Variants in ANTXR1 observed in about 807,000 individuals in gnomAD.
ANTXR1 encodes ANTXR cell adhesion molecule 1, also known as anthrax toxin receptor 1.
Under a neutral mutation model 78.1 loss-of-function variants are expected in ANTXR1, and 19 were observed. The ratio of observed to expected loss-of-function variants is 0.24; its 90% CI spans 0.17 to 0.36. The LOEUF is 0.36. Ranked by LOEUF, ANTXR1 falls within the 10% of genes least tolerant of loss-of-function variation. ANTXR1 has a pLI of 1.00. For missense variants in ANTXR1, 518 were observed against 718.6 expected (o/e 0.72, Z 3.19); for synonymous variants, 273 against 260.5 (o/e 1.05, Z -0.46).
intron 3 of ANTXR1, among the ~76,000 whole-genome samples, chr2:69,047,402 A>T (rs551815632): frequency 6.6e-6 from 1 of 152,236 alleles, no homozygotes; most frequent in South Asian, 2.1e-4. Flanking sequence ...TCCTCATATA[A>T]CCATTGTTAC....
chr2:69,121,877 A>T (rs1226713029), intron 10 of ANTXR1, among the ~76,000 whole-genome samples: 2 of 152,136 alleles, frequency 1.3e-5, no homozygotes, highest in Non-Finnish European at 2.9e-5. Flanking sequence ...AGAAACTGGG[A>T]TACAATGAAG....
intron 17 of ANTXR1, among the ~76,000 whole-genome samples, chr2:69,217,467 C>A (rs1217202013): frequency 2.0e-5 from 3 of 152,322 alleles, no homozygotes. Flanking sequence ...TAGAGACTTT[C>A]CAATTAGCAG....
intron 9 of ANTXR1, among the ~76,000 whole-genome samples, chr2:69,100,495 G>A (rs1224018122): frequency 6.6e-6 from 1 of 152,204 alleles, no homozygotes; most frequent in African/African-American, 2.4e-5. Context: ...TCCCTGAGGT[G>A]GGGCCAAGCA....
chr2:69,069,119 T>C (rs1229899424), intron 3 of ANTXR1, among the ~76,000 whole-genome samples: 2 of 152,176 alleles, frequency 1.3e-5, no homozygotes, highest in Non-Finnish European at 2.9e-5. Flanking sequence ...CAGTTTGTCT[T>C]TTAAAATCTC....
chr2:69,235,987 G>A (rs1293125987), intron 17 of ANTXR1, among the ~76,000 whole-genome samples: 2 of 152,136 alleles, frequency 1.3e-5, no homozygotes, highest in Non-Finnish European at 2.9e-5. Context: ...GCATGTGAGC[G>A]AGCACAGGGG....
chr2:69,245,714 ATCTATCACCTC>A lies in ANTXR1; in HGVS notation c.*231_*241del. The A allele has an allele frequency of 1.8e-6, 1 of 565,610 alleles. No individual in the cohort carries two copies. The highest frequency in any genetic ancestry group is 3.1e-6 in the Non-Finnish European group (1 of 323,872). The allele number at this position is 565,610 out of a possible 1,614,324, so 35.0% of individuals were successfully genotyped here. A position where few individuals can be genotyped will look rare whatever the true frequency, so the allele number is the denominator to read the frequency against. On this transcript the variant is annotated 3_prime_UTR_variant, in exon 18 of 18. Transcript: ENST00000303714. ...ACTACAGTCAGATTTATAGCCAGCC[ATCTATCACCTC>A]TAGAAGGTTCCAGAGACAGTGAAAC...
rs565446286 is a variant in ANTXR1 at position 69,020,063 on chromosome 2, T to C, written c.152+6412T>C. On this transcript the variant is annotated intron_variant, in intron 1 of 17. Transcript: ENST00000303714. ...CATATGCATGCATGTATCTTTATAA[T>C]AGAACAATTTATATTCCTTTGGGTA... 2.6e-5 allele frequency among the ~76,000 whole-genome samples: 4 copies of C among 152,336 alleles called. No individual in the cohort carries two copies. The South Asian group carries it at 8.3e-4, about 32-fold the overall frequency.
At chr2:69,204,788 G>A (rs1674857517) in intron 17 of ANTXR1, among the ~76,000 whole-genome samples, 1 of 152,034 alleles carries the variant, frequency 6.6e-6, no homozygotes, top group Non-Finnish European at 1.5e-5. Flanking sequence ...CCACCTCCCA[G>A]TACCTTTCCA....
intron 1 of ANTXR1, among the ~76,000 whole-genome samples, chr2:69,023,559 G>T (rs1450771968): frequency 1.3e-5 from 2 of 152,198 alleles, no homozygotes; most frequent in East Asian, 3.9e-4. Context: ...TCATGGTGGT[G>T]GTGGTGTTAG....
rs1378381380 is a variant in ANTXR1 at position 69,090,893 on chromosome 2, C to T, written c.677C>T (p.Ala226Val). 1.2e-6 allele frequency: 2 copies of T among 1,613,166 alleles called. No homozygotes were observed. Among genetic ancestry groups the T allele is most frequent in the Admixed American group, 1.7e-5 (1 of 60,020 alleles). Residue 226 changes from alanine to valine, a missense_variant, in exon 9 of 18, where the codon GCT becomes GTT. Physicochemically the swap from Ala to Val is moderately conservative, Grantham distance 64. This residue lies in a region of ANTXR1 where 264 missense variants were observed against 391.8 expected (regional missense o/e 0.67). Coordinates refer to ENST00000303714, the MANE Select transcript of ANTXR1 (RefSeq NM_032208.3). ...LKKSCIEILA[A>V]EPSTICAGES... Reference sequence around the variant, plus strand: ...AAGTCCTGCATCGAAATTCTAGCAGCTGAACCATCCACCATATGTGCAGGA... The same window carrying T: ...AAGTCCTGCATCGAAATTCTAGCAGTTGAACCATCCACCATATGTGCAGGA...
chr2:69,107,025 A>C (rs78614072), intron 10 of ANTXR1, among the ~76,000 whole-genome samples: 6,120 of 152,288 alleles, frequency 0.04, 390 homozygotes, highest in African/African-American at 0.13. Context: ...TATTCACTGA[A>C]ATAAAACTTC....
intron 9 of ANTXR1, among the ~76,000 whole-genome samples, chr2:69,091,780 G>A (rs1671248349): frequency 6.6e-6 from 1 of 152,174 alleles, no homozygotes; most frequent in African/African-American, 2.4e-5. Context: ...GGGCCATATA[G>A]TTTTGTCATT....
intron 14 of ANTXR1, 46 bp from the exon 15 acceptor site, chr2:69,181,740 C>T (rs765040442): frequency 6.3e-7 from 1 of 1,581,594 alleles, no homozygotes; most frequent in East Asian, 2.2e-5. Context: ...CAGGTCCACA[C>T]AGCAGTGCTG....
At chr2:69,128,008 C>T (rs1163481121) in intron 12 of ANTXR1, among the ~76,000 whole-genome samples, 1 of 152,130 alleles carries the variant, frequency 6.6e-6, no homozygotes, top group East Asian at 1.9e-4. Flanking sequence ...GGGTGGATCA[C>T]TTGAGGGCCA....
intron 6 of ANTXR1, 35 bp from the exon 7 acceptor site, chr2:69,075,555 T>G (rs1670704330): frequency 2.5e-6 from 4 of 1,608,788 alleles, no homozygotes; most frequent in Non-Finnish European, 3.4e-6. Context: ...TTGTCACTGC[T>G]TCTCTTTCTA....
intron 13 of ANTXR1, among the ~76,000 whole-genome samples, chr2:69,161,742 C>G (rs1673688315): frequency 6.6e-6 from 1 of 152,156 alleles, no homozygotes; most frequent in Admixed American, 6.5e-5. Context: ...AGGGTCAGAG[C>G]AAGCATCTCC....
At chr2:69,123,448 C>T (rs967246730) in intron 11 of ANTXR1, among the ~76,000 whole-genome samples, 2 of 152,212 alleles carry the variant, frequency 1.3e-5, no homozygotes, top group Non-Finnish European at 2.9e-5. Context: ...AGAAAGTTCT[C>T]ACACACTTGA....
intron 7 of ANTXR1, among the ~76,000 whole-genome samples, chr2:69,076,221 C>T (rs552216094): frequency 6.6e-6 from 1 of 152,282 alleles, no homozygotes; most frequent in Admixed American, 6.5e-5. Context: ...AAGTGATCCT[C>T]CCAACATGGC....
intron 14 of ANTXR1, among the ~76,000 whole-genome samples, chr2:69,175,510 G>T (rs983310178): frequency 6.6e-6 from 1 of 152,106 alleles, no homozygotes; most frequent in Non-Finnish European, 1.5e-5. Context: ...TGTGGTCCCA[G>T]CTACTGGGGA....
Sources: allele counts gnomAD v4.1 joint callset (sites outside exome capture counted in the v4.1 genomes callset), GRCh38; gene constraint gnomAD v4.1.1; regional missense constraint gnomAD v4.1.1; transcripts MANE v1.5; gene names NCBI Gene and HGNC (gene_info 2026-07-23, HGNC 2026-07-21).